Variants in ATP6V0A2 observed in about 807,000 individuals in gnomAD.
ATP6V0A2 encodes V-type proton ATPase 116 kDa subunit a 2.
A neutral mutation model predicts 104.4 loss-of-function variants in ATP6V0A2; 58 were observed. The observed-to-expected ratio is 0.56, with a 90% CI of 0.45 to 0.69. The LOEUF (loss-of-function observed/expected upper bound fraction) is 0.69. Among genes scored for constraint, ATP6V0A2 ranks in the 30% least tolerant of loss-of-function variants. The pLI, the probability that ATP6V0A2 is intolerant of heterozygous loss-of-function variation, is 0.00. For synonymous variants in ATP6V0A2, 376 were observed against 397.9 expected (o/e 0.95, Z 0.65); for missense variants, 938 against 1,062.9 (o/e 0.88, Z 1.63).
Position 123,744,639 on chromosome 12 carries a change from A to T in ATP6V0A2, c.1369A>T (p.Met457Leu). 1.9e-6 allele frequency: 3 copies of T among 1,613,718 alleles called. No individual in the cohort carries two copies. The highest frequency in any genetic ancestry group is 2.5e-6 in the Non-Finnish European group (3 of 1,180,016). The stretch of plus-strand genomic sequence containing the variant: ...TAATGGCCGGTACATCCTCCTGCTG[A>T]TGGGGCTGTTCTCAGTGTACACTGG... ...FFNGRYILLL[M>L]GLFSVYTGLI... Residue 457 changes from methionine to leucine, a missense_variant, in exon 12 of 20, where the codon ATG becomes TTG. Transcript: ENST00000330342. The surrounding 1 kb of genome is among the most constrained non-coding windows in gnomAD (Gnocchi z 5.4).
chr12:123,714,819 C>T (rs1234525445), intron 1 of ATP6V0A2, among the ~76,000 whole-genome samples: 1 of 152,166 alleles, frequency 6.6e-6, no homozygotes, highest in Admixed American at 6.5e-5. Context: ...CGGTGGTTCA[C>T]GTCTGTAATC....
chr12:123,747,491 T>A (rs1338719906), intron 13 of ATP6V0A2, 116 bp from the exon 14 acceptor site: 2 of 779,342 alleles, frequency 2.6e-6, no homozygotes, highest in Non-Finnish European at 4.7e-6. Flanking sequence ...AAAGCCTGAA[T>A]ATTGTTTCCT....
Position 123,712,507 on chromosome 12 carries a change from C to T in ATP6V0A2, c.-59C>T. 1 of 1,298,072 alleles carries T rather than the reference C, an allele frequency of 7.7e-7. No homozygotes were observed. The allele number at this position is 1,298,072 out of a possible 1,614,324, so 80.4% of individuals were successfully genotyped here. On this transcript the variant is annotated 5_prime_UTR_variant, in exon 1 of 20. Transcript: ENST00000330342. ...GGCCGCACCGGCTGAGTGTGCGGGC[C>T]CGCGCGGCTCGGAGCCGCCGCCGCC...
intron 8 of ATP6V0A2, among the ~76,000 whole-genome samples, chr12:123,736,185 CTTTT>C (rs75644082): frequency 1.2e-5 from 1 of 81,910 alleles, no homozygotes. Flanking sequence ...GATTGTGATT[CTTTT>C]TTTTTTTTTT....
At chr12:123,721,496 T>C (rs1956399410) in intron 2 of ATP6V0A2, 2 of 162,452 alleles carry the variant, frequency 1.2e-5, no homozygotes, top group South Asian at 3.2e-4. Context: ...GTGGGAATAA[T>C]GGTCTTTTTT....
chr12:123,743,816 T>C lies in ATP6V0A2; in HGVS notation c.1070T>C (p.Met357Thr), dbSNP rs768248088. Residue 357 changes from methionine to threonine, a missense_variant, in exon 10 of 20, where the codon ATG becomes ACG. Coordinates refer to ENST00000330342, the MANE Select transcript of ATP6V0A2 (RefSeq NM_012463.4). ...AGTGGTGCTACAATCCCCTCATTCA[T>C]GAATATAATCCCCACAAAAGAAACA... The part of the protein sequence containing the change: ...RESGATIPSF[M>T]NIIPTKETPP... 2.8e-5 allele frequency: 46 copies of C among 1,614,084 alleles called. No homozygotes were observed. The highest frequency in any genetic ancestry group is 3.4e-5 in the Non-Finnish European group (40 of 1,180,042).
rs146724672 is a variant in ATP6V0A2 at position 123,726,620 on chromosome 12, G to C, written c.521+335G>C. 4.3e-3 allele frequency among the ~76,000 whole-genome samples: 648 copies of C among 152,334 alleles called. 6 individuals are homozygous for C. The highest frequency in any genetic ancestry group is 0.024 in the Middle Eastern group (7 of 294). On this transcript the variant is annotated intron_variant, in intron 5 of 19. Coordinates refer to ENST00000330342, the MANE Select transcript of ATP6V0A2 (RefSeq NM_012463.4). ...AGTAGAAACTTGGTGGCTAAACCGAGTTGGTTAGTTTTTTTATTAATCATA... is the reference window on the plus strand; with the variant it reads ...AGTAGAAACTTGGTGGCTAAACCGACTTGGTTAGTTTTTTTATTAATCATA...
In ATP6V0A2 at chr12:123,758,065, T is replaced by C; in HGVS notation, c.*33T>C. On this transcript the variant is annotated 3_prime_UTR_variant, in exon 20 of 20. Transcript: ENST00000330342. Reference sequence around the variant, plus strand: ...GCTGTAACCAACAAGCTTTCAGATTTATGGAGAATGACCATGTTATAGACT... The same window carrying C: ...GCTGTAACCAACAAGCTTTCAGATTCATGGAGAATGACCATGTTATAGACT... 1 of 1,425,620 alleles carries C rather than the reference T, an allele frequency of 7.0e-7. No individual in the cohort carries two copies. Among genetic ancestry groups the C allele is most frequent in the Non-Finnish European group, 9.9e-7 (1 of 1,009,174 alleles). The allele number at this position is 1,425,620 out of a possible 1,614,324, so 88.3% of individuals were successfully genotyped here.
chr12:123,737,390 CTTCTT>C, intron 9 of ATP6V0A2, 119 bp downstream of exon 9: 3 of 972,294 alleles, frequency 3.1e-6, no homozygotes, highest in Non-Finnish European at 4.7e-6. Flanking sequence ...TGTGTTGACT[CTTCTT>C]TTGTTTTTTT....
In ATP6V0A2 at chr12:123,747,253, G is replaced by A. The variant is rs116456684; in HGVS notation, c.1606-354G>A. ...CATGTATGTCTCCTGCCCAGGTAGAGGGGACATAACCCAGGACCTTGAGAG... is the reference window on the plus strand; with the variant it reads ...CATGTATGTCTCCTGCCCAGGTAGAAGGGACATAACCCAGGACCTTGAGAG... On this transcript the variant is annotated intron_variant, in intron 13 of 19. Transcript: ENST00000330342. 2.4e-3 allele frequency among the ~76,000 whole-genome samples: 365 copies of A among 152,350 alleles called. 3 individuals are homozygous for A. Among genetic ancestry groups the A allele is most frequent in the African/African-American group, 8.1e-3 (337 of 41,576 alleles).
intron 3 of ATP6V0A2, chr12:123,724,380 T>C: frequency 2.9e-6 from 1 of 342,034 alleles, no homozygotes; most frequent in Non-Finnish European, 5.6e-6. Flanking sequence ...AAAAAAAAAT[T>C]AGCTGGGCGT....
In ATP6V0A2 at chr12:123,744,220, CT is replaced by C; in HGVS notation, c.1211del (p.Phe404SerfsTer7). 1 of 1,614,146 alleles carries C rather than the reference CT, an allele frequency of 6.2e-7. No homozygotes were observed. The highest frequency in any genetic ancestry group is 8.5e-7 in the Non-Finnish European group (1 of 1,180,034). ...VNPALFTIIT[F>X]PFLFAVMFGD... ...CTGCAGCTCTCTTTACCATCATCAC[CT>C]TCCCGTTTTTATTTGCTGTGATGTT... is the stretch of plus-strand genomic sequence containing the variant. On this transcript the variant is annotated frameshift_variant, in exon 11 of 20. Transcript: ENST00000330342. LOFTEE classifies it high-confidence loss of function. The surrounding 1 kb of genome is among the most constrained non-coding windows in gnomAD (Gnocchi z 5.4).
intron 1 of ATP6V0A2, among the ~76,000 whole-genome samples, chr12:123,718,410 G>C (rs1453887735): frequency 1.3e-5 from 2 of 151,878 alleles, no homozygotes; most frequent in Non-Finnish European, 2.9e-5. Flanking sequence ...TTTTTAGCAG[G>C]GTTGGGGTTT....
chr12:123,724,622 T>A, intron 3 of ATP6V0A2, 32 bp from the exon 4 acceptor site: 1 of 1,610,396 alleles, frequency 6.2e-7, no homozygotes, highest in South Asian at 1.1e-5. Context: ...AACTAATTAC[T>A]ACCCTCTTAA....
At chr12:123,749,215 G>A in intron 15 of ATP6V0A2, among the ~76,000 whole-genome samples, 1 of 152,170 alleles carries the variant, frequency 6.6e-6, no homozygotes, top group Admixed American at 6.5e-5. Context: ...CTTGAGCCCA[G>A]GAGGTCCAGG....
rs940493933 is a variant in ATP6V0A2, at chr12:123,757,881, G to A, written c.2466-46G>A. 5 of 1,175,084 alleles carry A rather than the reference G, an allele frequency of 4.3e-6. No homozygotes were observed. The African/African-American group carries it at 6.2e-5, about 15-fold the overall frequency. The allele number at this position is 1,175,084 out of a possible 1,614,324, so 72.8% of individuals were successfully genotyped here. A position where few individuals can be genotyped will look rare whatever the true frequency, so the allele number is the denominator to read the frequency against. ...ACTTATAAATGTTGTTTTAAGGAAT[G>A]TGATTTCATAATCTTCCATTAATAC... On this transcript the variant is annotated intron_variant, in intron 19 of 19. Coordinates refer to ENST00000330342, the MANE Select transcript of ATP6V0A2 (RefSeq NM_012463.4).
chr12:123,749,909 A>G (rs1956698731), intron 15 of ATP6V0A2: 1 of 152,238 alleles, frequency 6.6e-6, no homozygotes, highest in Non-Finnish European at 1.5e-5. Flanking sequence ...TGGGTGCTGG[A>G]AAGTTTTAAG....
Position 123,717,448 on chromosome 12 carries a change from T to TTC in ATP6V0A2, c.118-1174_118-1173insCT, listed in dbSNP as rs202203598. Among the ~76,000 whole-genome samples, 460 of 138,878 alleles carry TTC rather than the reference T, an allele frequency of 3.3e-3. 1 individual carries two copies. Among genetic ancestry groups the TTC allele is most frequent in the Middle Eastern group, 0.011 (3 of 278 alleles). 91.1% of individuals were successfully genotyped at this position (138,878 alleles called of 152,430 possible). On this transcript the variant is annotated intron_variant, in intron 1 of 19. Coordinates refer to ENST00000330342, the MANE Select transcript of ATP6V0A2 (RefSeq NM_012463.4). Reference sequence around the variant, plus strand: ...AATTTCTTTTCTTTTCTTTCTTTCTTTTTTTTTTTTTTTTGAGACAGGCTC... The same window carrying TTC: ...AATTTCTTTTCTTTTCTTTCTTTCTTTCTTTTTTTTTTTTTTGAGACAGGCTC...
chr12:123,756,785 A>G (rs1455957379), intron 18 of ATP6V0A2, 30 bp from the exon 19 acceptor site: 4 of 1,612,574 alleles, frequency 2.5e-6, no homozygotes, highest in Admixed American at 3.3e-5. Flanking sequence ...ATAAGCGAGC[A>G]TGACCTGTGC....
Sources: allele counts gnomAD v4.1 joint callset (sites outside exome capture counted in the v4.1 genomes callset), GRCh38; gene constraint gnomAD v4.1.1; non-coding constraint Gnocchi (gnomAD v3.1); transcripts MANE v1.5; gene names NCBI Gene and HGNC (gene_info 2026-07-23, HGNC 2026-07-21).